GPC5: variants seen among roughly 807,000 people sequenced by gnomAD.
GPC5 encodes glypican-5.
A neutral mutation model predicts 53.9 loss-of-function variants in GPC5; 47 were observed. The observed-to-expected ratio is 0.87, with a 90% CI of 0.69 to 1.11. GPC5 has a LOEUF of 1.11. GPC5 is among the 50% of genes most tolerant of loss of function. The pLI, the probability that GPC5 is intolerant of heterozygous loss-of-function variation, is 0.00. For missense variants in GPC5, 748 were observed against 713.1 expected, an observed-to-expected ratio of 1.05 and a Z score of -0.56; for synonymous variants, 286 against 263.3, an observed-to-expected ratio of 1.09 and a Z score of -0.84.
intron 3 of GPC5, among the ~76,000 whole-genome samples, chr13:91,694,501 C>T (rs1350129861): frequency 6.6e-6 from 1 of 152,116 alleles, no homozygotes; most frequent in Non-Finnish European, 1.5e-5. Context: ...GTGTTTTATT[C>T]CTAGCAGGCT....
intron 7 of GPC5, among the ~76,000 whole-genome samples, chr13:92,185,089 G>C (rs189904782): frequency 3.9e-5 from 6 of 152,218 alleles, no homozygotes; most frequent in South Asian, 4.1e-4. Flanking sequence ...TACACAGTTA[G>C]ATGCACTGAG....
At chr13:92,011,698 T>C (rs760887473) in intron 6 of GPC5, among the ~76,000 whole-genome samples, 36 of 152,162 alleles carry the variant, frequency 2.4e-4, no homozygotes, top group Non-Finnish European at 4.7e-4. Flanking sequence ...TCTTAACATT[T>C]TCAAAGTCAA....
chr13:92,576,144 A>G (rs1027765216), intron 7 of GPC5, among the ~76,000 whole-genome samples: 3 of 152,352 alleles, frequency 2.0e-5, no homozygotes, highest in African/African-American at 7.2e-5. Context: ...CAGTCAGAAT[A>G]AGTATAAAAT....
chr13:92,766,675 G>A (rs1875417496), intron 7 of GPC5, among the ~76,000 whole-genome samples: 1 of 152,182 alleles, frequency 6.6e-6, no homozygotes, highest in Non-Finnish European at 1.5e-5. Flanking sequence ...CCATCCAGGT[G>A]GGAATACTAG....
chr13:91,616,326 G>A (rs2033695005), intron 2 of GPC5, among the ~76,000 whole-genome samples: 1 of 151,996 alleles, frequency 6.6e-6, no homozygotes, highest in African/African-American at 2.4e-5. Flanking sequence ...TCAAGACTTG[G>A]TAAAATGGCT....
At chr13:91,649,846 G>A (rs891661675) in intron 2 of GPC5, among the ~76,000 whole-genome samples, 1 of 151,966 alleles carries the variant, frequency 6.6e-6, no homozygotes, top group Non-Finnish European at 1.5e-5. Flanking sequence ...ACATTCCCAG[G>A]CAGTCAAAAG....
intron 7 of GPC5, among the ~76,000 whole-genome samples, chr13:92,743,933 A>T (rs1437695253): frequency 6.6e-6 from 1 of 151,960 alleles, no homozygotes; most frequent in African/African-American, 2.4e-5. Context: ...TCCTTTAAGG[A>T]GAGAGCTTTA....
At chr13:92,749,150 T>C (rs1336704244) in intron 7 of GPC5, among the ~76,000 whole-genome samples, 1 of 152,198 alleles carries the variant, frequency 6.6e-6, no homozygotes, top group Non-Finnish European at 1.5e-5. Flanking sequence ...TAGTGGATTT[T>C]TAAGTGTCAC....
chr13:92,288,127 A>G (rs1315610515), intron 7 of GPC5, among the ~76,000 whole-genome samples: 2 of 151,216 alleles, frequency 1.3e-5, no homozygotes, highest in African/African-American at 2.4e-5. Flanking sequence ...CTGTTTGTTG[A>G]TATTTTCTCT....
chr13:91,618,580 A>G (rs921623893), intron 2 of GPC5, among the ~76,000 whole-genome samples: 4 of 152,110 alleles, frequency 2.6e-5, no homozygotes, highest in African/African-American at 9.7e-5. Context: ...TTAGTTACCC[A>G]GAGGTTTTTG....
chr13:92,304,828 T>C (rs904543786), intron 7 of GPC5, among the ~76,000 whole-genome samples: 4 of 152,316 alleles, frequency 2.6e-5, no homozygotes, highest in Admixed American at 6.5e-5. Context: ...TACCCACTGA[T>C]ATTATGTTGA....
chr13:92,347,876 T>A lies in GPC5; in HGVS notation c.1561+202887T>A, dbSNP rs1421550754. Among the ~76,000 whole-genome samples, 2 of 2,010 alleles carry A rather than the reference T, an allele frequency of 1.0e-3. 1 individual carries two copies. Among genetic ancestry groups the A allele is most frequent in the Admixed American group, 0.021 (2 of 94 alleles). The allele number at this position is 2,010 out of a possible 152,430, so 1.3% of individuals were successfully genotyped here. A position where few individuals can be genotyped will look rare whatever the true frequency, so the allele number is the denominator to read the frequency against. On this transcript the variant is annotated intron_variant, in intron 7 of 7. Coordinates refer to ENST00000377067, the MANE Select transcript of GPC5 (RefSeq NM_004466.6). The stretch of plus-strand genomic sequence containing the variant: ...ATACATATATATATTATATATATAA[T>A]ATATATTATATATATTATATATATA...
At chr13:92,518,806 A>C (rs973856649) in intron 7 of GPC5, among the ~76,000 whole-genome samples, 1 of 152,232 alleles carries the variant, frequency 6.6e-6, no homozygotes, top group African/African-American at 2.4e-5. Flanking sequence ...AATGGGCTAA[A>C]TTCTCCAATT....
chr13:92,116,298 A>AT (rs2041601157), intron 6 of GPC5, among the ~76,000 whole-genome samples: 1 of 151,844 alleles, frequency 6.6e-6, no homozygotes, highest in Non-Finnish European at 1.5e-5. Flanking sequence ...GCAGGCACTT[A>AT]TGGGGGGGAT....
At chr13:91,819,963 G>C (rs2038464526) in intron 5 of GPC5, among the ~76,000 whole-genome samples, 1 of 151,998 alleles carries the variant, frequency 6.6e-6, no homozygotes, top group Non-Finnish European at 1.5e-5. Flanking sequence ...TTCTTAATTT[G>C]TATTTCCCTT....
At chr13:92,816,095 A>C (rs1023965110) in intron 7 of GPC5, among the ~76,000 whole-genome samples, 7 of 152,016 alleles carry the variant, frequency 4.6e-5, no homozygotes, top group Non-Finnish European at 7.3e-5. Flanking sequence ...GTCATTAATG[A>C]AAGTTGATAG....
At chr13:92,123,635 T>C (rs1348378050) in intron 6 of GPC5, among the ~76,000 whole-genome samples, 1 of 152,130 alleles carries the variant, frequency 6.6e-6, no homozygotes, top group African/African-American at 2.4e-5. Flanking sequence ...TTTTGATTGG[T>C]TAATGATTAC....
chr13:92,762,139 A>T (rs1162249868), intron 7 of GPC5, among the ~76,000 whole-genome samples: 1 of 152,144 alleles, frequency 6.6e-6, no homozygotes, highest in Admixed American at 6.5e-5. Flanking sequence ...GCATACTCTA[A>T]TACTGTTATG....
chr13:91,437,765 G>A (rs1880095402), intron 1 of GPC5, among the ~76,000 whole-genome samples: 1 of 152,146 alleles, frequency 6.6e-6, no homozygotes, highest in South Asian at 2.1e-4. Context: ...TTCCAACTTG[G>A]TTCCATTCTC....
Sources: allele counts gnomAD v4.1 joint callset (sites outside exome capture counted in the v4.1 genomes callset), GRCh38; gene constraint gnomAD v4.1.1; transcripts MANE v1.5; gene names NCBI Gene and HGNC (gene_info 2026-07-23, HGNC 2026-07-21).